The following ATP8B4 variants were observed in gnomAD, a reference collection of about 807,000 sequenced individuals.
ATP8B4 encodes the protein ATPase phospholipid transporting 8B4 (putative).
ATP8B4 carries 133 observed loss-of-function variants against 145.6 expected under a neutral mutation model. The observed-to-expected ratio is 0.91, with a 90% CI of 0.79 to 1.05. The LOEUF is 1.05. Ranked by LOEUF, ATP8B4 falls within the 50% of genes least tolerant of loss-of-function variation. ATP8B4 has a pLI of 0.00. For missense variants in ATP8B4, 1,458 were observed against 1,425.2 expected, an observed-to-expected ratio of 1.02 and a Z score of -0.37; for synonymous variants, 507 against 492.9, an observed-to-expected ratio of 1.03 and a Z score of -0.38.
chr15:50,065,423 C>T (rs949485788), intron 3 of ATP8B4, among the ~76,000 whole-genome samples: 4 of 152,086 alleles, frequency 2.6e-5, no homozygotes, highest in Admixed American at 6.6e-5. Context: ...CCATTTGGTC[C>T]AGTAAAGAAG....
At chr15:50,049,586 A>G (rs765750927) in intron 3 of ATP8B4, among the ~76,000 whole-genome samples, 3 of 152,150 alleles carry the variant, frequency 2.0e-5, no homozygotes, top group Non-Finnish European at 4.4e-5. Context: ...TGTCTTTGCT[A>G]TTGTAAATAG....
chr15:50,148,822 T>A (rs2044310657), intron 1 of ATP8B4, among the ~76,000 whole-genome samples: 1 of 152,216 alleles, frequency 6.6e-6, no homozygotes, highest in Non-Finnish European at 1.5e-5. Flanking sequence ...TTGTATCGAC[T>A]TCAAGTTTCC....
chr15:49,980,226 A>G (rs1034239184), intron 11 of ATP8B4, among the ~76,000 whole-genome samples: 1 of 152,200 alleles, frequency 6.6e-6, no homozygotes, highest in Non-Finnish European at 1.5e-5. Context: ...GAGCCTGGCC[A>G]ATATTTTGTG....
intron 13 of ATP8B4, among the ~76,000 whole-genome samples, chr15:49,971,586 A>T (rs2045137741): frequency 6.6e-6 from 1 of 152,244 alleles, no homozygotes; most frequent in South Asian, 2.1e-4. Context: ...ATCTCAGGCC[A>T]GTTAGAATGG....
At chr15:49,909,576 C>CA (rs2039010365) in intron 20 of ATP8B4, among the ~76,000 whole-genome samples, 1 of 152,062 alleles carries the variant, frequency 6.6e-6, no homozygotes, top group Non-Finnish European at 1.5e-5. Flanking sequence ...CAAAGACAGG[C>CA]AGGCTCAGCC....
At chr15:49,897,634 A>G (rs1443748648) in intron 22 of ATP8B4, 119 bp from the exon 23 acceptor site, 5 of 819,266 alleles carry the variant, frequency 6.1e-6, no homozygotes, top group African/African-American at 5.2e-5. Context: ...AATTTTTCAC[A>G]TATATTATCT....
intron 10 of ATP8B4, among the ~76,000 whole-genome samples, chr15:49,986,132 G>A (rs933967684): frequency 2.6e-5 from 4 of 152,162 alleles, no homozygotes; most frequent in South Asian, 2.1e-4. Context: ...GCCTCTCAGC[G>A]GTTCACAACA....
intron 19 of ATP8B4, among the ~76,000 whole-genome samples, chr15:49,918,536 T>C (rs2039962510): frequency 6.6e-6 from 1 of 152,180 alleles, no homozygotes; most frequent in African/African-American, 2.4e-5. Context: ...AGTGTTCATA[T>C]AAACCAATTG....
chr15:49,959,129 G>T (rs1413786880), intron 14 of ATP8B4, among the ~76,000 whole-genome samples: 1 of 151,698 alleles, frequency 6.6e-6, no homozygotes, highest in Non-Finnish European at 1.5e-5. Context: ...ATGACAAGTG[G>T]CATTTATTCC....
chr15:49,961,190 A>G (rs189087479), intron 14 of ATP8B4, among the ~76,000 whole-genome samples: 1 of 152,312 alleles, frequency 6.6e-6, no homozygotes, highest in Non-Finnish European at 1.5e-5. Context: ...GCTCTTAAAC[A>G]TGAAAATATG....
At chr15:50,117,371 T>G (rs2057186732) in intron 1 of ATP8B4, among the ~76,000 whole-genome samples, 1 of 152,202 alleles carries the variant, frequency 6.6e-6, no homozygotes, top group Admixed American at 6.5e-5. Context: ...AAGTTTAATT[T>G]CAATGACAGC....
intron 25 of ATP8B4, among the ~76,000 whole-genome samples, chr15:49,871,544 G>T (rs1241536008): frequency 1.3e-5 from 2 of 152,196 alleles, no homozygotes; most frequent in Non-Finnish European, 2.9e-5. Flanking sequence ...GATGATACAG[G>T]TCTCTTACAG....
intron 7 of ATP8B4, among the ~76,000 whole-genome samples, chr15:50,004,564 A>T (rs1323847411): frequency 6.6e-6 from 1 of 152,194 alleles, no homozygotes; most frequent in East Asian, 1.9e-4. Flanking sequence ...TATGATTCCA[A>T]ATAACGTAGC....
chr15:49,939,473 C>A (rs1256937168), intron 14 of ATP8B4, among the ~76,000 whole-genome samples: 3 of 152,110 alleles, frequency 2.0e-5, no homozygotes, highest in Non-Finnish European at 4.4e-5. Context: ...ATTATGAATA[C>A]CTCTATGCAC....
Position 50,086,431 on chromosome 15 carries a change from A to ATT in ATP8B4, c.29-12247_29-12246insAA, listed in dbSNP as rs764433782. Among the ~76,000 whole-genome samples the ATT allele has an allele frequency of 2.3e-4, 5 of 21,832 alleles. 2 individuals are homozygous for ATT. The African/African-American group carries it at 2.6e-3, about 11-fold the overall frequency. The allele number at this position is 21,832 out of a possible 152,430, so 14.3% of individuals were successfully genotyped here. A position where few individuals can be genotyped will look rare whatever the true frequency, so the allele number is the denominator to read the frequency against. ...ATAATAAAATAATATAGAGATCTAT[A>ATT]ATTATATATAATAAAATAATAGAGA... On this transcript the variant is annotated intron_variant, in intron 2 of 27. Coordinates refer to ENST00000284509, the MANE Select transcript of ATP8B4 (RefSeq NM_024837.4).
intron 2 of ATP8B4, among the ~76,000 whole-genome samples, chr15:50,085,395 C>T (rs1490072391): frequency 1.3e-5 from 2 of 152,146 alleles, no homozygotes; most frequent in African/African-American, 4.8e-5. Flanking sequence ...AGATAAGGGG[C>T]AATCAGGTGC....
intron 20 of ATP8B4, among the ~76,000 whole-genome samples, chr15:49,914,464 A>G (rs957405053): frequency 5.3e-5 from 8 of 152,116 alleles, no homozygotes; most frequent in Non-Finnish European, 1.2e-4. Context: ...GGCAACAAAA[A>G]CATAGGCAAG....
At chr15:49,865,986 A>T (rs8038434) in intron 26 of ATP8B4, among the ~76,000 whole-genome samples, 42,925 of 152,148 alleles carry the variant, frequency 0.28, 6,358 homozygotes, top group African/African-American at 0.32. Flanking sequence ...ATAATGTGGC[A>T]TAAAAGGAGA....
intron 1 of ATP8B4, among the ~76,000 whole-genome samples, chr15:50,179,952 A>C (rs1157911623): frequency 6.6e-6 from 1 of 152,230 alleles, no homozygotes; most frequent in Non-Finnish European, 1.5e-5. Context: ...AGCTGGAATC[A>C]CTGGGACTCC....
Sources: gnomAD v4.1 joint callset for allele counts (sites outside exome capture counted in the v4.1 genomes callset) on GRCh38, gnomAD v4.1.1 for gene constraint, MANE v1.5 for transcripts, NCBI Gene and HGNC (gene_info 2026-07-23, HGNC 2026-07-21) for gene names.